Variants in MTURN observed in about 807,000 individuals in gnomAD.
The protein encoded by MTURN is maturin, neural progenitor differentiation regulator homolog.
In MTURN, 7 loss-of-function variants were observed where a neutral mutation model predicts 14.9. The ratio of observed to expected loss-of-function variants is 0.47; its 90% CI spans 0.27 to 0.88. The LOEUF is 0.88. Ranked by LOEUF, MTURN falls within the 40% of genes least tolerant of loss-of-function variation. The pLI is 0.14. For synonymous variants in MTURN, 69 were observed against 72.5 expected (o/e 0.95, Z 0.25); for missense variants, 151 against 174.1 (o/e 0.87, Z 0.75).
chr7:30,148,322 C>T (rs1293518177), intron 2 of MTURN, among the ~76,000 whole-genome samples: 3 of 152,210 alleles, frequency 2.0e-5, no homozygotes, highest in Non-Finnish European at 1.5e-5. Flanking sequence ...GTCCAGGGAG[C>T]AGGAGCGGCC....
At chr7:30,150,192 G>A (rs1402593804) in intron 2 of MTURN, among the ~76,000 whole-genome samples, 8 of 152,166 alleles carry the variant, frequency 5.3e-5, no homozygotes, top group South Asian at 2.1e-4. Context: ...AGTGCAGTGC[G>A]TTATCCACGG....
intron 1 of MTURN, among the ~76,000 whole-genome samples, chr7:30,137,094 G>A (rs1294129350): frequency 1.3e-5 from 2 of 151,236 alleles, no homozygotes; most frequent in African/African-American, 4.9e-5. Flanking sequence ...CATTAAAAAG[G>A]GATTCACTCC....
chr7:30,151,214 A>C (rs1398726794), intron 2 of MTURN, among the ~76,000 whole-genome samples: 4 of 152,174 alleles, frequency 2.6e-5, no homozygotes, highest in African/African-American at 9.7e-5. Flanking sequence ...TCCAAATGGC[A>C]CATGTATGCA....
Position 30,158,425 on chromosome 7 carries a change from T to A in MTURN, c.*877T>A, listed in dbSNP as rs1797320410. On this transcript the variant is annotated 3_prime_UTR_variant, in exon 3 of 3. Transcript: ENST00000324453. ...GCCGCTTAAACTTTGAAGCCATAGA[T>A]AAATTTGTTAGAAAAGTAAACCAGG... 1 of 152,532 alleles carries A rather than the reference T, an allele frequency of 6.6e-6. No homozygotes were observed. Among genetic ancestry groups the A allele is most frequent in the South Asian group, 2.1e-4 (1 of 4,832 alleles). The allele number at this position is 152,532 out of a possible 1,614,324, so 9.4% of individuals were successfully genotyped here.
At chr7:30,152,547 G>A (rs965255898) in intron 2 of MTURN, among the ~76,000 whole-genome samples, 7 of 152,168 alleles carry the variant, frequency 4.6e-5, no homozygotes, top group Non-Finnish European at 1.0e-4. Context: ...TACACATAGT[G>A]AAGGAGAAGA....
At chr7:30,146,145 G>T (rs776040552) in intron 1 of MTURN, 32 bp from the exon 2 acceptor site, 3 of 1,613,110 alleles carry the variant, frequency 1.9e-6, no homozygotes, top group African/African-American at 2.7e-5. Context: ...GTGTGTCTTT[G>T]TTTTCTCCTT....
chr7:30,141,935 C>T (rs537689279), intron 1 of MTURN, among the ~76,000 whole-genome samples: 51 of 152,250 alleles, frequency 3.3e-4, no homozygotes, highest in Middle Eastern at 6.8e-3. Flanking sequence ...GAGCAAGGGC[C>T]CCAGAGGGAG....
At chr7:30,141,845 C>T (rs1382544815) in intron 1 of MTURN, among the ~76,000 whole-genome samples, 1 of 152,156 alleles carries the variant, frequency 6.6e-6, no homozygotes, top group African/African-American at 2.4e-5. Flanking sequence ...TGGATTAAGA[C>T]ACACCAATTC....
intron 2 of MTURN, among the ~76,000 whole-genome samples, chr7:30,155,879 G>T (rs1004247619): frequency 6.6e-6 from 1 of 152,196 alleles, no homozygotes; most frequent in Non-Finnish European, 1.5e-5. Flanking sequence ...GAGAGGAAGG[G>T]GGTGGCAGGA....
intron 1 of MTURN, among the ~76,000 whole-genome samples, chr7:30,144,818 G>T (rs1337936734): frequency 6.6e-6 from 1 of 152,006 alleles, no homozygotes; most frequent in Non-Finnish European, 1.5e-5. Flanking sequence ...TATGGGGCCA[G>T]TGTGTGCTTG....
At chr7:30,141,262 AAAATT>A (rs1797047497) in intron 1 of MTURN, 1 of 152,106 alleles carries the variant, frequency 6.6e-6, no homozygotes, top group Non-Finnish European at 1.5e-5. Flanking sequence ...TAAAACCACA[AAAATT>A]AGCTGGGCGT....
rs11411711 is a variant in MTURN, at chr7:30,144,928, CTTTTTTT to C, written c.163-1231_163-1225del. On this transcript the variant is annotated intron_variant, in intron 1 of 2. Coordinates refer to ENST00000324453, the MANE Select transcript of MTURN (RefSeq NM_152793.3). ...TCTTTCTTTCTCCCAGACCTCAATA[CTTTTTTT>C]TTTTTTTTTTTTTTTTTGCCAGTGT... Among the ~76,000 whole-genome samples the C allele has an allele frequency of 2.6e-4, 19 of 73,978 alleles. No individual in the cohort carries two copies. In the South Asian group the frequency reaches 2.7e-3, roughly 11 times the overall value. The allele number at this position is 73,978 out of a possible 152,430, so 48.5% of individuals were successfully genotyped here.
intron 2 of MTURN, among the ~76,000 whole-genome samples, chr7:30,147,251 T>C (rs1219915670): frequency 6.6e-6 from 1 of 152,256 alleles, no homozygotes; most frequent in Non-Finnish European, 1.5e-5. Flanking sequence ...ATTATCTTTG[T>C]GTGCTAGTTA....
At chr7:30,145,301 T>C (rs1043022727) in intron 1 of MTURN, among the ~76,000 whole-genome samples, 2 of 152,190 alleles carry the variant, frequency 1.3e-5, no homozygotes, top group African/African-American at 4.8e-5. Flanking sequence ...GAGACCAGCC[T>C]GGGCAACATG....
chr7:30,157,383 T>C, intron 2 of MTURN, 55 bp from the exon 3 acceptor site: 1 of 1,468,522 alleles, frequency 6.8e-7, no homozygotes, highest in Admixed American at 2.3e-5. Context: ...GTTGTCTTCC[T>C]GCCTGTGGGC....
rs1249095490 is a variant in MTURN, at chr7:30,162,756, C to T, written c.*5208C>T. 5.2e-5 allele frequency: 8 copies of T among 152,472 alleles called. No homozygotes were observed. Among genetic ancestry groups the T allele is most frequent in the Non-Finnish European group, 1.0e-4 (7 of 68,056 alleles). 9.4% of individuals were successfully genotyped at this position (152,472 alleles called of 1,614,324 possible). A position where few individuals can be genotyped will look rare whatever the true frequency, so the allele number is the denominator to read the frequency against. On this transcript the variant is annotated 3_prime_UTR_variant, in exon 3 of 3. Transcript: ENST00000324453. ...ATTCGCTTGCTATTAAAGAGCCTTT[C>T]AAACTCTGGTGGTGTTTGCCTCTTT...
intron 1 of MTURN, chr7:30,141,452 T>C (rs1434461805): frequency 6.6e-6 from 1 of 151,398 alleles, no homozygotes; most frequent in African/African-American, 2.4e-5. Flanking sequence ...AAGAAATATG[T>C]TGGGAGGCGT....
At chr7:30,136,752 A>T (rs1246767927) in intron 1 of MTURN, among the ~76,000 whole-genome samples, 2 of 152,172 alleles carry the variant, frequency 1.3e-5, no homozygotes, top group African/African-American at 2.4e-5. Flanking sequence ...TGGCTCTGTG[A>T]CTGTGCTCAA....
Position 30,145,274 on chromosome 7 carries a change from G to A in MTURN, c.163-903G>A, listed in dbSNP as rs560527377. On this transcript the variant is annotated intron_variant, in intron 1 of 2. Transcript: ENST00000324453. Reference sequence around the variant, plus strand: ...GCCTGTAGTCCCAGCAATTTGGGAGGCTGAGGCAGGTGGATCGAGACCAGC... The same window carrying A: ...GCCTGTAGTCCCAGCAATTTGGGAGACTGAGGCAGGTGGATCGAGACCAGC... Among the ~76,000 whole-genome samples, 3 of 152,296 alleles carry A rather than the reference G, an allele frequency of 2.0e-5. No individual in the cohort carries two copies. In the East Asian group the frequency reaches 5.8e-4, roughly 29 times the overall value.
Sources: gnomAD v4.1 joint callset for allele counts (sites outside exome capture counted in the v4.1 genomes callset) on GRCh38, gnomAD v4.1.1 for gene constraint, MANE v1.5 for transcripts, NCBI Gene and HGNC (gene_info 2026-07-23, HGNC 2026-07-21) for gene names.